CCDC18: variants seen among roughly 807,000 people sequenced by gnomAD.
The protein encoded by CCDC18 is coiled-coil domain-containing protein 18.
CCDC18 carries 157 observed loss-of-function variants against 196.0 expected under a neutral mutation model. The ratio of observed to expected loss-of-function variants is 0.80; its 90% CI spans 0.70 to 0.91. The LOEUF (loss-of-function observed/expected upper bound fraction) is 0.91. CCDC18 is among the 40% of genes least tolerant of loss of function. The pLI is 0.00. For missense variants in CCDC18, 1,465 were observed against 1,611.6 expected, an observed-to-expected ratio of 0.91 and a Z score of 1.56; for synonymous variants, 482 against 529.2, an observed-to-expected ratio of 0.91 and a Z score of 1.22.
Position 93,237,719 on chromosome 1 carries a change from T to G in CCDC18, c.2603+1329T>G, listed in dbSNP as rs116467510. Among the ~76,000 whole-genome samples, 1,059 of 152,230 alleles carry G rather than the reference T, an allele frequency of 7.0e-3. 10 individuals are homozygous for G. Among genetic ancestry groups the G allele is most frequent in the African/African-American group, 0.025 (1,030 of 41,512 alleles). ...GCTGATTTCTTTAGACGGCCTGACTTACTGTTGCCCTCTCCAGCATCACTT... is the reference window on the plus strand; with the variant it reads ...GCTGATTTCTTTAGACGGCCTGACTGACTGTTGCCCTCTCCAGCATCACTT... On this transcript the variant is annotated intron_variant, in intron 19 of 28. Transcript: ENST00000690025.
intron 6 of CCDC18, among the ~76,000 whole-genome samples, chr1:93,200,847 A>G (rs963063803): frequency 6.6e-6 from 1 of 152,238 alleles, no homozygotes; most frequent in Non-Finnish European, 1.5e-5. Flanking sequence ...CTTGAAAAGA[A>G]GGATAATAGA....
At chr1:93,231,343 TAC>T (rs1217209257) in intron 17 of CCDC18, among the ~76,000 whole-genome samples, 22 of 152,212 alleles carry the variant, frequency 1.4e-4, no homozygotes, top group Non-Finnish European at 2.6e-4. Context: ...CATTCTCTAA[TAC>T]TTCAGTTTTC....
chr1:93,196,050 C>T (rs1571368591), intron 6 of CCDC18, among the ~76,000 whole-genome samples: 2 of 152,132 alleles, frequency 1.3e-5, no homozygotes, highest in South Asian at 2.1e-4. Flanking sequence ...AGACTGGATG[C>T]GGAGGCTAAC....
intron 23 of CCDC18, among the ~76,000 whole-genome samples, chr1:93,248,125 C>G (rs72959220): frequency 0.19 from 28,042 of 147,202 alleles, 2,860 homozygotes; most frequent in East Asian, 0.32. Flanking sequence ...AAGCAATTCT[C>G]TGCCTCAGCC....
At chr1:93,261,931 T>G (rs1355994738) in intron 26 of CCDC18, among the ~76,000 whole-genome samples, 5 of 152,108 alleles carry the variant, frequency 3.3e-5, no homozygotes, top group African/African-American at 1.2e-4. Flanking sequence ...TAACTCACAG[T>G]TTCACATGGC....
chr1:93,271,807 AACAAATT>A (rs1340963956), intron 28 of CCDC18, among the ~76,000 whole-genome samples: 1 of 152,206 alleles, frequency 6.6e-6, no homozygotes. Context: ...TTGTATAATA[AACAAATT>A]TAGTATCCTC....
chr1:93,248,506 A>G (rs1344674567), intron 23 of CCDC18, among the ~76,000 whole-genome samples: 5 of 152,290 alleles, frequency 3.3e-5, no homozygotes, highest in South Asian at 2.1e-4. Flanking sequence ...CATCCCTGGG[A>G]TGAATTCCAC....
intron 19 of CCDC18, among the ~76,000 whole-genome samples, chr1:93,239,023 A>G (rs1660410985): frequency 6.6e-6 from 1 of 152,170 alleles, no homozygotes; most frequent in Non-Finnish European, 1.5e-5. Context: ...AGGTCCTTGG[A>G]TATTTTCAAT....
At position 93,217,816 on chromosome 1, in the gene CCDC18, G is replaced by A; in HGVS notation, c.1909G>A (p.Ala637Thr). 6.2e-7 allele frequency: 1 copy of A among 1,612,670 alleles called. No individual in the cohort carries two copies. Among genetic ancestry groups the A allele is most frequent in the Non-Finnish European group, 8.5e-7 (1 of 1,178,884 alleles). Residue 637 changes from alanine (A) to threonine (T), a missense_variant, in exon 14 of 29, where the codon GCA becomes ACA. Coordinates refer to ENST00000690025, the MANE Select transcript of CCDC18 (RefSeq NM_001378204.1). ...HEKICLAFEK[A>T]KKIHLEQHKE... ...GAAAATTTGTTTAGCCTTTGAAAAA[G>A]CAAAGAAAATTCACTTGGAACAGCA...
At chr1:93,183,522 T>TTC (rs778313236) in intron 2 of CCDC18, 27 bp downstream of exon 2, 2 of 1,542,732 alleles carry the variant, frequency 1.3e-6, no homozygotes, top group Non-Finnish European at 1.8e-6. Context: ...ACATATAGAA[T>TTC]TCACTGTGCC....
At chr1:93,186,320 T>C in intron 3 of CCDC18, 25 bp from the exon 4 acceptor site, 1 of 1,593,936 alleles carries the variant, frequency 6.3e-7, no homozygotes, top group Non-Finnish European at 8.6e-7. Context: ...ATTGAAAATA[T>C]ATTTGTTCTT....
rs747759725 is a variant in CCDC18 at position 93,221,645 on chromosome 1, A to C, written c.1999A>C (p.Lys667Gln). The C allele has an allele frequency of 6.4e-7, 1 of 1,558,528 alleles. No homozygotes were observed. Among genetic ancestry groups the C allele is most frequent in the South Asian group, 1.3e-5 (1 of 79,202 alleles). ...ACTAGAGAAAAAGGACCAACAATTT[A>C]AAGAACAAGAAAAGACTATGTCCAT... ...AQLEKKDQQFKEQEKTMSMLQ... is the reference protein window; with the variant it reads ...AQLEKKDQQFQEQEKTMSMLQ... Residue 667 changes from lysine (K) to glutamine (Q), a missense_variant, in exon 15 of 29, where the codon AAA (lysine) becomes CAA (glutamine). Coordinates refer to ENST00000690025, the MANE Select transcript of CCDC18 (RefSeq NM_001378204.1).
chr1:93,180,378 G>C (rs1649313575), upstream of CCDC18: 1 of 1,253,598 alleles, frequency 8.0e-7, no homozygotes, highest in East Asian at 2.7e-5. Flanking sequence ...CGCGGCGGCG[G>C]CGAACACTCC....
At chr1:93,265,609 TG>T (rs1257996190) in intron 27 of CCDC18, among the ~76,000 whole-genome samples, 1 of 152,154 alleles carries the variant, frequency 6.6e-6, no homozygotes, top group Non-Finnish European at 1.5e-5. Flanking sequence ...TTTAAGAATG[TG>T]AATGTAGGAT....
rs112840306 is a variant in CCDC18 at position 93,180,755 on chromosome 1, G to A, written c.-100G>A. 2.1e-4 allele frequency: 282 copies of A among 1,367,180 alleles called. 2 individuals are homozygous for A. The African/African-American group carries it at 3.4e-3, about 16-fold the overall frequency. 84.7% of individuals were successfully genotyped at this position (1,367,180 alleles called of 1,614,324 possible). ...AATTCTGTGCTGCCGGGGTTCGCTG[G>A]TTCTCCGAGTTGTGTCCGAGGCTTC... On this transcript the variant is annotated 5_prime_UTR_variant, in exon 1 of 29. Transcript: ENST00000690025.
At chr1:93,210,568 A>G (rs1655451618) in intron 9 of CCDC18, among the ~76,000 whole-genome samples, 1 of 152,078 alleles carries the variant, frequency 6.6e-6, no homozygotes, top group South Asian at 2.1e-4. Context: ...TTTTCACTCA[A>G]TATTGTTATG....
upstream of CCDC18, chr1:93,179,917 G>A (rs1649229864): frequency 1.1e-6 from 1 of 935,546 alleles, no homozygotes; most frequent in Non-Finnish European, 1.5e-6. Context: ...GCGCCTGCGC[G>A]GAGCGGGCTG....
At chr1:93,191,908 T>C in intron 4 of CCDC18, 92 bp from the exon 5 acceptor site, 2 of 780,690 alleles carry the variant, frequency 2.6e-6, no homozygotes, top group Non-Finnish European at 4.3e-6. Flanking sequence ...GGGAGCCCTA[T>C]TGAACACCCT....
intron 28 of CCDC18, among the ~76,000 whole-genome samples, chr1:93,278,239 C>T (rs1350960031): frequency 5.3e-5 from 8 of 152,132 alleles, no homozygotes; most frequent in African/African-American, 1.7e-4. Context: ...CCATGCACCT[C>T]GGCCTCCCAA....
Sources: allele counts gnomAD v4.1 joint callset (sites outside exome capture counted in the v4.1 genomes callset), GRCh38; gene constraint gnomAD v4.1.1; transcripts MANE v1.5; gene names NCBI Gene and HGNC (gene_info 2026-07-23, HGNC 2026-07-21).